The following RGPD2 variants were observed in gnomAD, a reference collection of about 807,000 sequenced individuals.
RGPD2 encodes RANBP2 like and GRIP domain containing 2, also known as RANBP2-like and GRIP domain-containing protein 2.
Under a neutral mutation model 36.0 loss-of-function variants are expected in RGPD2, and 2 were observed. The ratio of observed to expected loss-of-function variants is 0.06; its 90% CI spans 0.02 to 0.17. The LOEUF is 0.17. Ranked by LOEUF, RGPD2 falls within the 10% of genes least tolerant of loss-of-function variation. The probability of loss-of-function intolerance (pLI) is 1.00; values close to 1 mark genes in which losing one functional copy is unlikely to be tolerated. For missense variants in RGPD2, 40 were observed against 464.3 expected (o/e 0.09, Z 8.40); for synonymous variants, 19 against 163.8 (o/e 0.12, Z 6.75).
chr2:87,836,461 G>T, the RGPD2 span, among the ~76,000 whole-genome samples: 2 of 151,726 alleles, frequency 1.3e-5, no homozygotes, highest in African/African-American at 4.8e-5. Context: ...CATTGTTAAA[G>T]AAAAGAAATT....
At chr2:87,840,539 A>G in the RGPD2 span, among the ~76,000 whole-genome samples, 1 of 151,196 alleles carries the variant, frequency 6.6e-6, no homozygotes, top group African/African-American at 2.5e-5. Context: ...ATGTATTTTA[A>G]AAAAAAAATT....
the RGPD2 span, chr2:87,969,057 AT>A: frequency 0.011 from 1,404 of 125,454 alleles, 6 homozygotes; most frequent in African/African-American, 0.023. Flanking sequence ...GAAAGTGAGA[AT>A]TTTTTTTTTT....
At chr2:87,973,199 C>A in the RGPD2 span, 1 of 1,607,130 alleles carries the variant, frequency 6.2e-7, no homozygotes, top group South Asian at 1.1e-5. Context: ...GAAGGTGTTT[C>A]CTCCCACCAG....
chr2:87,876,521 CAT>C, the RGPD2 span, among the ~76,000 whole-genome samples: 2 of 152,264 alleles, frequency 1.3e-5, no homozygotes, highest in African/African-American at 4.8e-5. Flanking sequence ...GCTCAATTTC[CAT>C]GTAGTTGTGT....
At chr2:87,934,932 A>G in the RGPD2 span, among the ~76,000 whole-genome samples, 1 of 151,380 alleles carries the variant, frequency 6.6e-6, no homozygotes, top group African/African-American at 2.4e-5. Context: ...ATGGCAACAC[A>G]AGGTAAGAAC....
chr2:87,969,741 TC>T, the RGPD2 span, among the ~76,000 whole-genome samples: 1 of 133,304 alleles, frequency 7.5e-6, no homozygotes, highest in Admixed American at 7.9e-5. Flanking sequence ...GGAATGAAAA[TC>T]TTTTTGTGTC....
At chr2:87,902,690 ATTCCT>A in the RGPD2 span, among the ~76,000 whole-genome samples, 118 of 148,206 alleles carry the variant, frequency 8.0e-4, no homozygotes, top group Non-Finnish European at 4.7e-4. Flanking sequence ...TTTTTAATTG[ATTCCT>A]TTACACTGAA....
the RGPD2 span, among the ~76,000 whole-genome samples, chr2:87,913,038 T>C: frequency 1.2e-3 from 180 of 152,254 alleles, 1 homozygote; most frequent in African/African-American, 4.3e-3. Flanking sequence ...CGCTCAGCTG[T>C]CAAAATTATG....
At chr2:87,964,632 G>A in the RGPD2 span, among the ~76,000 whole-genome samples, 7 of 150,832 alleles carry the variant, frequency 4.6e-5, no homozygotes, top group African/African-American at 1.7e-4. Flanking sequence ...TGGCAGGCCA[G>A]GTCTCACTAA....
chr2:87,915,262 G>A, the RGPD2 span, among the ~76,000 whole-genome samples: 29,041 of 82,344 alleles, frequency 0.35, 3,826 homozygotes, highest in East Asian at 0.44. Context: ...AAATATATAC[G>A]TGTGTGTGTG....
chr2:87,967,396 G>T, the RGPD2 span, among the ~76,000 whole-genome samples: 2 of 149,680 alleles, frequency 1.3e-5, no homozygotes, highest in Non-Finnish European at 2.9e-5. Context: ...GTGACAGAAC[G>T]AGACTCCATC....
chr2:87,900,958 C>CT, the RGPD2 span, among the ~76,000 whole-genome samples: 1 of 138,684 alleles, frequency 7.2e-6, no homozygotes, highest in South Asian at 2.4e-4. Context: ...TCTAGTCATG[C>CT]TGGCCTTCTC....
At chr2:87,917,987 T>C in the RGPD2 span, among the ~76,000 whole-genome samples, 1 of 116,812 alleles carries the variant, frequency 8.6e-6, no homozygotes, top group East Asian at 2.2e-4. Context: ...GTTTTTGTTT[T>C]TCTACTTTTC....
At chr2:87,830,478 T>C (rs1173636992), upstream of RGPD2, among the ~76,000 whole-genome samples, 3 of 152,076 alleles carry the variant, frequency 2.0e-5, no homozygotes, top group Non-Finnish European at 4.4e-5. Flanking sequence ...TCTGTCTTCT[T>C]CTGAACCCTC....
the RGPD2 span, among the ~76,000 whole-genome samples, chr2:87,915,660 G>GTA: frequency 2.4e-4 from 35 of 143,034 alleles, no homozygotes; most frequent in Middle Eastern, 4.0e-3. Context: ...ATATATGTGT[G>GTA]TATATATATA....
the RGPD2 span, among the ~76,000 whole-genome samples, chr2:87,863,712 G>GTGTA: frequency 4.6e-4 from 67 of 146,368 alleles, no homozygotes; most frequent in East Asian, 1.0e-3. Flanking sequence ...GTGTGTGTGT[G>GTGTA]TATATATATA....
At chr2:87,989,342 G>A in the RGPD2 span, among the ~76,000 whole-genome samples, 1 of 145,664 alleles carries the variant, frequency 6.9e-6, no homozygotes, top group Admixed American at 7.0e-5. Context: ...GTAATTATTT[G>A]CAAAATGTTT....
chr2:87,973,621 G>A, the RGPD2 span, among the ~76,000 whole-genome samples: 1 of 138,688 alleles, frequency 7.2e-6, no homozygotes, highest in African/African-American at 2.6e-5. Context: ...CAGTATTGGG[G>A]GACTGTGCTA....
chr2:87,844,392 T>G, the RGPD2 span, among the ~76,000 whole-genome samples: 1 of 151,688 alleles, frequency 6.6e-6, no homozygotes, highest in African/African-American at 2.4e-5. Context: ...TTTTCTTATC[T>G]ATTTACACAT....
Sources: allele counts gnomAD v4.1 joint callset (sites outside exome capture counted in the v4.1 genomes callset), GRCh38; gene constraint gnomAD v4.1.1; transcripts MANE v1.5; gene names NCBI Gene and HGNC (gene_info 2026-07-23, HGNC 2026-07-21).